EMC1: variants seen among roughly 807,000 people sequenced by gnomAD.
EMC1 encodes the protein KIAA0090.
Under a neutral mutation model 128.8 loss-of-function variants are expected in EMC1, and 103 were observed. The ratio of observed to expected loss-of-function variants is 0.80; its 90% CI spans 0.68 to 0.94. The LOEUF (loss-of-function observed/expected upper bound fraction) is 0.94, where lower values mean the gene tolerates loss of function less well. Ranked by LOEUF, EMC1 falls within the 40% of genes least tolerant of loss-of-function variation. The pLI, the probability that EMC1 is intolerant of heterozygous loss-of-function variation, is 0.00. For synonymous variants in EMC1, 442 were observed against 490.4 expected (o/e 0.90, Z 1.30); for missense variants, 1,083 against 1,250.6 (o/e 0.87, Z 2.02).
intron 12 of EMC1, among the ~76,000 whole-genome samples, 199 bp from the exon 13 acceptor site, chr1:19,235,451 C>G (rs912563862): frequency 6.6e-6 from 1 of 152,190 alleles, no homozygotes; most frequent in Non-Finnish European, 1.5e-5. Flanking sequence ...GCCTGTAATC[C>G]CAGCACTTTG....
intron 17 of EMC1, among the ~76,000 whole-genome samples, chr1:19,228,370 A>G (rs182462315): frequency 6.6e-6 from 1 of 152,324 alleles, no homozygotes; most frequent in Admixed American, 6.5e-5. Flanking sequence ...CTAAGCTAAC[A>G]GGGAGCTCAA....
chr1:19,244,113 C>A, intron 2 of EMC1, 98 bp from the exon 3 acceptor site: 1 of 1,179,060 alleles, frequency 8.5e-7, no homozygotes, highest in African/African-American at 1.5e-5. Flanking sequence ...CAGCAATGTC[C>A]AATTTTATCT....
chr1:19,224,667 A>C (rs2093458267), intron 18 of EMC1, among the ~76,000 whole-genome samples: 1 of 152,066 alleles, frequency 6.6e-6, no homozygotes, highest in Non-Finnish European at 1.5e-5. Context: ...ACCCCTCTAC[A>C]GTCTAATCTA....
intron 8 of EMC1, 138 bp downstream of exon 8, chr1:19,239,678 CCT>C: frequency 1.2e-6 from 1 of 807,158 alleles, no homozygotes; most frequent in Non-Finnish European, 2.0e-6. Context: ...CTACCTACCC[CCT>C]CTCAAACCAC....
chr1:19,244,921 G>C lies in EMC1; in HGVS notation c.205C>G (p.Arg69Gly), dbSNP rs757025272. 5.0e-6 allele frequency: 8 copies of C among 1,613,578 alleles called. No homozygotes were observed. The East Asian group carries it at 1.6e-4, about 31-fold the overall frequency. ...EKNVIAALNS[R>G]TGEILWRHVD... ...GTTCACTCACAGATCTCCCCAGTTCGGGAATTTAATGCTGCAATCACATTC... is the reference window on the plus strand; with the variant it reads ...GTTCACTCACAGATCTCCCCAGTTCCGGAATTTAATGCTGCAATCACATTC... Residue 69 changes from arginine (R) to glycine (G), a missense_variant, in exon 2 of 23, where the codon CGA becomes GGA. By Grantham distance (125) the Arg-to-Gly change is moderately radical. Coordinates refer to ENST00000477853, the MANE Select transcript of EMC1 (RefSeq NM_015047.3).
chr1:19,250,037 G>C (rs1048899442), intron 1 of EMC1, among the ~76,000 whole-genome samples: 60 of 152,064 alleles, frequency 3.9e-4, no homozygotes, highest in African/African-American at 1.4e-3. Flanking sequence ...GACCAACATG[G>C]AGAAACCCTG....
At position 19,223,410 on chromosome 1, in the gene EMC1, C is replaced by T. The variant is rs2093447116; in HGVS notation, c.2362G>A (p.Glu788Lys). ...TGACCGCTTACCACCACCCAGTTCTCTGAATGCACGATATGGACAGGGCCT... is the reference window on the plus strand; with the variant it reads ...TGACCGCTTACCACCACCCAGTTCTTTGAATGCACGATATGGACAGGGCCT... The part of the protein sequence containing the change: ...AKGPVHIVHS[E>K]NWVVYQYWNT... Residue 788 changes from glutamate (E) to lysine (K), a missense_variant, in exon 19 of 23, where the codon GAG becomes AAG. Glu to Lys is a moderately conservative substitution (Grantham distance 56). This residue lies in a region of EMC1 where 527 missense variants were observed against 644.1 expected (regional missense o/e 0.82). Coordinates refer to ENST00000477853, the MANE Select transcript of EMC1 (RefSeq NM_015047.3). 8 of 1,614,116 alleles carry T rather than the reference C, an allele frequency of 5.0e-6. No homozygotes were observed. Among genetic ancestry groups the T allele is most frequent in the Non-Finnish European group, 6.8e-6 (8 of 1,179,994 alleles).
intron 6 of EMC1, 46 bp downstream of exon 6, chr1:19,240,970 T>A: frequency 6.3e-7 from 1 of 1,596,918 alleles, no homozygotes; most frequent in Non-Finnish European, 8.5e-7. Flanking sequence ...CTATCAAGTC[T>A]CCCCCAACCC....
intron 8 of EMC1, 146 bp from the exon 9 acceptor site, chr1:19,239,448 C>T: frequency 1.5e-6 from 1 of 673,872 alleles, no homozygotes; most frequent in Non-Finnish European, 2.6e-6. Flanking sequence ...CATTTAAGAG[C>T]AGAGGGAGGC....
In EMC1 at chr1:19,223,451, A is replaced by G. The variant is rs1218426523; in HGVS notation, c.2321T>C (p.Val774Ala). 16 of 1,614,202 alleles carry G rather than the reference A, an allele frequency of 9.9e-6. No individual in the cohort carries two copies. Among genetic ancestry groups the G allele is most frequent in the Non-Finnish European group, 1.3e-5 (15 of 1,180,042 alleles). Residue 774 changes from valine to alanine, a missense_variant, in exon 19 of 23, where the codon GTG becomes GCG. Physicochemically the swap from Val to Ala is moderately conservative, Grantham distance 64 (BLOSUM62 0). Transcript: ENST00000477853. ...GVTGRIIHSS[V>A]QKKAKGPVHI... is the part of the protein sequence containing the mutation. ...GACAGGGCCTTTGGCTTTCTTCTGCACAGAGGAGTGAATGATACGCCCAGT... is the reference window on the plus strand; with the variant it reads ...GACAGGGCCTTTGGCTTTCTTCTGCGCAGAGGAGTGAATGATACGCCCAGT...
At position 19,218,210 on chromosome 1, in the gene EMC1, T is replaced by A. The variant is rs1430021403; in HGVS notation, c.*1093A>T. 1.3e-5 allele frequency: 2 copies of A among 152,244 alleles called. No individual in the cohort carries two copies. The highest frequency in any genetic ancestry group is 3.8e-4 in the East Asian group (2 of 5,196). The allele number at this position is 152,244 out of a possible 1,614,324, so 9.4% of individuals were successfully genotyped here. A position where few individuals can be genotyped will look rare whatever the true frequency, so the allele number is the denominator to read the frequency against. On this transcript the variant is annotated 3_prime_UTR_variant, in exon 23 of 23. Coordinates refer to ENST00000477853, the MANE Select transcript of EMC1 (RefSeq NM_015047.3). ...AAAATTCTGTCATTCCCCAACTCTA[T>A]GACCAAGGAAAACTTTTAGGATTTC...
At chr1:19,242,258 A>G in intron 5 of EMC1, 87 bp downstream of exon 5, 1 of 1,473,654 alleles carries the variant, frequency 6.8e-7, no homozygotes, top group Non-Finnish European at 9.4e-7. Flanking sequence ...CCTGGGTTAA[A>G]GCAAATGCTT....
chr1:19,220,258 A>C, intron 21 of EMC1: 1 of 160,086 alleles, frequency 6.2e-6, no homozygotes. Flanking sequence ...TGGCTTGCCC[A>C]CATGGTCTGG....
Position 19,242,527 on chromosome 1 carries a change from G to A in EMC1, c.381-54C>T, listed in dbSNP as rs1334916412. 4 of 1,608,334 alleles carry A rather than the reference G, an allele frequency of 2.5e-6. No individual in the cohort carries two copies. The African/African-American group carries it at 5.3e-5, about 22-fold the overall frequency. ...CCACACCTGCAGAGCCTCAGGCTGG[G>A]AGAGACAGTCCAGAACAGTACCCAC... On this transcript the variant is annotated intron_variant, in intron 4 of 22. Transcript: ENST00000477853.
At position 19,243,989 on chromosome 1, in the gene EMC1, C is replaced by T; in HGVS notation, c.247G>A (p.Ala83Thr). 1 of 1,614,158 alleles carries T rather than the reference C, an allele frequency of 6.2e-7. No individual in the cohort carries two copies. The highest frequency in any genetic ancestry group is 8.5e-7 in the Non-Finnish European group (1 of 1,180,024). Reference sequence around the variant, plus strand: ...AGCATGGCATCCACAGCCCCTTCTGCCGTGCCCTTGTCAACATGGCGCCAC... The same window carrying T: ...AGCATGGCATCCACAGCCCCTTCTGTCGTGCCCTTGTCAACATGGCGCCAC... ...ILWRHVDKGT[A>T]EGAVDAMLLH... is the part of the protein sequence containing the mutation. The change falls in exon 3 of 23, where the codon GCA (alanine) becomes ACA (threonine). Residue 83 changes from alanine to threonine, a missense_variant. Ala to Thr is a moderately conservative substitution (Grantham distance 58). Around this residue, in one of 3 missense-constraint regions of EMC1, gnomAD observed 544 missense variants for 572.4 expected, o/e 0.95. Transcript: ENST00000477853.
At chr1:19,240,755 G>A (rs546413359) in intron 6 of EMC1, 3 of 575,362 alleles carry the variant, frequency 5.2e-6, no homozygotes, top group Middle Eastern at 4.6e-4. Flanking sequence ...GTGTCCTACT[G>A]TGATTTCACA....
intron 1 of EMC1, among the ~76,000 whole-genome samples, chr1:19,251,116 C>G (rs902934451): frequency 6.6e-6 from 1 of 152,150 alleles, no homozygotes; most frequent in Non-Finnish European, 1.5e-5. Flanking sequence ...AAAAATCGAA[C>G]CTGACGAGGG....
intron 13 of EMC1, among the ~76,000 whole-genome samples, chr1:19,234,390 G>A (rs1232267088): frequency 6.6e-6 from 1 of 152,138 alleles, no homozygotes; most frequent in Non-Finnish European, 1.5e-5. Context: ...TGGCAGTTGG[G>A]ACCATGGCCA....
intron 15 of EMC1, among the ~76,000 whole-genome samples, 165 bp downstream of exon 15, chr1:19,232,459 C>T (rs1216750864): frequency 6.6e-6 from 1 of 152,230 alleles, no homozygotes; most frequent in African/African-American, 2.4e-5. Flanking sequence ...CACATCAGTG[C>T]TGGATGGTTC....
Sources: allele counts gnomAD v4.1 joint callset (sites outside exome capture counted in the v4.1 genomes callset), GRCh38; gene constraint gnomAD v4.1.1; regional missense constraint gnomAD v4.1.1; transcripts MANE v1.5; gene names NCBI Gene and HGNC (gene_info 2026-07-23, HGNC 2026-07-21).